Variants in RIMS2 observed in about 807,000 individuals in gnomAD.
RIMS2 encodes regulating synaptic membrane exocytosis protein 2.
In RIMS2, 59 loss-of-function variants were observed where a neutral mutation model predicts 174.4. The observed-to-expected ratio is 0.34, with a 90% CI of 0.27 to 0.42. The LOEUF is 0.42. Ranked by LOEUF, RIMS2 falls within the 10% of genes least tolerant of loss-of-function variation. The pLI is 1.00. For synonymous variants in RIMS2, 606 were observed against 572.5 expected (o/e 1.06, Z -0.84); for missense variants, 1,620 against 1,666.3 (o/e 0.97, Z 0.48).
chr8:103,852,753 CTATGTAG>C (rs1226549765), intron 3 of RIMS2, among the ~76,000 whole-genome samples: 1 of 151,982 alleles, frequency 6.6e-6, no homozygotes, highest in African/African-American at 2.4e-5. Context: ...TTTTTTATGG[CTATGTAG>C]TATTCCATGA....
intron 3 of RIMS2, among the ~76,000 whole-genome samples, chr8:103,783,095 G>T (rs1315324248): frequency 6.6e-6 from 1 of 152,060 alleles, no homozygotes; most frequent in Non-Finnish European, 1.5e-5. Context: ...CACGCTCAGG[G>T]TCCTCTTCAA....
intron 19 of RIMS2, among the ~76,000 whole-genome samples, chr8:104,090,229 C>G (rs939082663): frequency 6.6e-6 from 1 of 151,728 alleles, no homozygotes; most frequent in African/African-American, 2.4e-5. Flanking sequence ...TATAGGGAAT[C>G]TTTCCTTAAA....
chr8:103,500,793 C>T lies in RIMS2; in HGVS notation c.-94C>T. 1 of 692,230 alleles carries T rather than the reference C, an allele frequency of 1.4e-6. No homozygotes were observed. The highest frequency in any genetic ancestry group is 2.4e-6 in the Non-Finnish European group (1 of 420,410). The allele number at this position is 692,230 out of a possible 1,614,324, so 42.9% of individuals were successfully genotyped here. On this transcript the variant is annotated 5_prime_UTR_variant, in exon 1 of 24. An upstream open reading frame in the 5' UTR gains an earlier in-frame stop. Coordinates refer to ENST00000504942, the Ensembl canonical transcript of RIMS2. ...GCCATTGATTTGTATGTATTTGTCC[C>T]AGCGCTGGAGGCTGCCCCAGCCGCC...
intron 19 of RIMS2, among the ~76,000 whole-genome samples, chr8:104,171,447 T>A (rs765601174): frequency 6.6e-6 from 1 of 152,062 alleles, no homozygotes; most frequent in Non-Finnish European, 1.5e-5. Flanking sequence ...CCACTGCATT[T>A]TGTATTTCCC....
chr8:103,742,799 G>C (rs954808869), intron 2 of RIMS2, among the ~76,000 whole-genome samples: 2 of 152,050 alleles, frequency 1.3e-5, no homozygotes, highest in East Asian at 1.9e-4. Context: ...AATCTCTCAG[G>C]GGCTCTCTGG....
chr8:104,002,239 A>G (rs1248035080), intron 17 of RIMS2, among the ~76,000 whole-genome samples: 1 of 151,922 alleles, frequency 6.6e-6, no homozygotes, highest in Non-Finnish European at 1.5e-5. Flanking sequence ...CTTCTGTCTC[A>G]GTAGAGAATG....
At chr8:103,632,731 ATTTTT>A (rs61579273) in intron 1 of RIMS2, among the ~76,000 whole-genome samples, 5 of 70,444 alleles carry the variant, frequency 7.1e-5, no homozygotes, top group Admixed American at 4.2e-4. Flanking sequence ...ATATTTATTG[ATTTTT>A]TTTTTTTTTT....
At chr8:104,217,319 A>G (rs1164401619) in intron 19 of RIMS2, among the ~76,000 whole-genome samples, 3 of 151,894 alleles carry the variant, frequency 2.0e-5, no homozygotes, top group East Asian at 3.9e-4. Context: ...CCCAGGCTGG[A>G]GTGCAGTGGC....
intron 3 of RIMS2, among the ~76,000 whole-genome samples, chr8:103,792,032 G>T (rs1426786950): frequency 6.6e-6 from 1 of 152,100 alleles, no homozygotes; most frequent in Non-Finnish European, 1.5e-5. Flanking sequence ...AGTTAACAAG[G>T]ATATCCAGGA....
chr8:103,632,911 T>C (rs1386821366), intron 1 of RIMS2, among the ~76,000 whole-genome samples: 1 of 150,304 alleles, frequency 6.7e-6, no homozygotes, highest in Non-Finnish European at 1.5e-5. Context: ...TTTTTTGTAT[T>C]TTTAGTAGAG....
chr8:104,186,867 G>A (rs536372457), intron 19 of RIMS2, among the ~76,000 whole-genome samples: 1 of 151,880 alleles, frequency 6.6e-6, no homozygotes, highest in South Asian at 2.1e-4. Context: ...AACCTAAAAA[G>A]ACCAGACCTC....
At chr8:103,625,676 A>G (rs1054029412) in intron 1 of RIMS2, among the ~76,000 whole-genome samples, 8 of 152,140 alleles carry the variant, frequency 5.3e-5, no homozygotes, top group East Asian at 1.9e-4. Context: ...ATGATGAAAA[A>G]AAGCAAAGTG....
intron 3 of RIMS2, among the ~76,000 whole-genome samples, chr8:103,773,292 G>T (rs2098273797): frequency 1.3e-5 from 2 of 152,084 alleles, no homozygotes; most frequent in South Asian, 4.1e-4. Context: ...TGCTTAAAAA[G>T]ATATATAAAG....
intron 1 of RIMS2, among the ~76,000 whole-genome samples, chr8:103,522,205 G>A (rs1438846697): frequency 6.6e-6 from 1 of 151,974 alleles, no homozygotes; most frequent in African/African-American, 2.4e-5. Flanking sequence ...TCAGACTTAG[G>A]TTTGCCTAGA....
upstream of RIMS2, chr8:103,500,636 C>T (rs1439687758): frequency 1.3e-5 from 6 of 469,238 alleles, no homozygotes; most frequent in Non-Finnish European, 2.3e-5. Context: ...GAACCGCTCA[C>T]TTCACAGCCC....
intron 1 of RIMS2, among the ~76,000 whole-genome samples, chr8:103,543,392 T>C (rs1486097059): frequency 1.3e-5 from 2 of 152,190 alleles, no homozygotes; most frequent in Non-Finnish European, 2.9e-5. Context: ...GATATATCGT[T>C]AATGAATTAG....
At chr8:103,642,188 TTC>T (rs1425783691) in intron 1 of RIMS2, among the ~76,000 whole-genome samples, 5 of 152,176 alleles carry the variant, frequency 3.3e-5, no homozygotes, top group African/African-American at 1.2e-4. Context: ...CAATTCTATT[TTC>T]TCTCTTAGCA....
At chr8:103,912,243 C>T (rs2075808128) in intron 6 of RIMS2, 71 bp downstream of exon 9, 4 of 1,186,862 alleles carry the variant, frequency 3.4e-6, no homozygotes, top group Non-Finnish European at 3.6e-6. Flanking sequence ...AAGGATAACT[C>T]TTTCAACCTG....
At chr8:104,038,945 T>C (rs2096563953) in intron 19 of RIMS2, among the ~76,000 whole-genome samples, 1 of 151,882 alleles carries the variant, frequency 6.6e-6, no homozygotes. Context: ...TCAGATAAAC[T>C]ATGGCAAATG....
Sources: allele counts gnomAD v4.1 joint callset (sites outside exome capture counted in the v4.1 genomes callset), GRCh38; gene constraint gnomAD v4.1.1; transcripts MANE v1.5; gene names NCBI Gene and HGNC (gene_info 2026-07-23, HGNC 2026-07-21).